DLGAP2: variants seen among roughly 807,000 people sequenced by gnomAD.
The protein encoded by DLGAP2 is DLG associated protein 2.
A neutral mutation model predicts 100.3 loss-of-function variants in DLGAP2; 26 were observed. The ratio of observed to expected loss-of-function variants is 0.26; its 90% CI spans 0.19 to 0.36. The LOEUF is 0.36. Ranked by LOEUF, DLGAP2 falls within the 10% of genes least tolerant of loss-of-function variation. DLGAP2 has a pLI of 1.00. For synonymous variants in DLGAP2, 886 were observed against 630.1 expected (o/e 1.41, Z -6.08); for missense variants, 1,858 against 1,453.2 (o/e 1.28, Z -4.53).
chr8:1,422,858 C>T (rs1029701543), intron 3 of DLGAP2, among the ~76,000 whole-genome samples: 8 of 152,282 alleles, frequency 5.3e-5, no homozygotes, highest in Middle Eastern at 3.4e-3. Context: ...GAGTTGGATG[C>T]TGTGCTGTTC....
chr8:867,343 C>T (rs1034136724), intron 1 of DLGAP2, among the ~76,000 whole-genome samples: 5 of 152,172 alleles, frequency 3.3e-5, no homozygotes, highest in Admixed American at 3.3e-4. Context: ...TTTTAATTAG[C>T]AAAAATAAAC....
intron 6 of DLGAP2, among the ~76,000 whole-genome samples, chr8:1,590,755 C>G (rs1796265854): frequency 6.6e-6 from 1 of 152,186 alleles, no homozygotes; most frequent in South Asian, 2.1e-4. Context: ...CCTCTGTGCT[C>G]CTGGGTCCTG....
intron 4 of DLGAP2, among the ~76,000 whole-genome samples, chr8:1,514,629 A>G (rs1218345817): frequency 2.0e-5 from 3 of 152,178 alleles, no homozygotes; most frequent in Admixed American, 6.5e-5. Flanking sequence ...ATACTCACCT[A>G]TGTCACTCAT....
At chr8:1,242,979 A>G (rs1798831396) in intron 2 of DLGAP2, among the ~76,000 whole-genome samples, 1 of 152,130 alleles carries the variant, frequency 6.6e-6, no homozygotes, top group African/African-American at 2.4e-5. Flanking sequence ...GATGACTCAA[A>G]TATCACCCCA....
Position 1,196,350 on chromosome 8 carries a change from C to G in DLGAP2, c.74-62501C>G, listed in dbSNP as rs147278556. On this transcript the variant is annotated intron_variant, in intron 2 of 14. Transcript: ENST00000637795. ...TGAAATTCTCCTGTTTGGAGTGTACCTGTCTTTCCCCCATCCCCAGGTGTC... is the reference window on the plus strand; with the variant it reads ...TGAAATTCTCCTGTTTGGAGTGTACGTGTCTTTCCCCCATCCCCAGGTGTC... Among the ~76,000 whole-genome samples, 1,488 of 152,314 alleles carry G rather than the reference C, an allele frequency of 9.8e-3. 18 individuals are homozygous for G. The highest frequency in any genetic ancestry group is 0.034 in the African/African-American group (1,430 of 41,558).
intron 2 of DLGAP2, among the ~76,000 whole-genome samples, chr8:1,204,416 G>C (rs554482370): frequency 6.6e-6 from 1 of 152,352 alleles, no homozygotes; most frequent in African/African-American, 2.4e-5. Context: ...TGTGAGTGAC[G>C]GTGGACCCCG....
chr8:1,275,611 T>C (rs1283040377), intron 3 of DLGAP2, among the ~76,000 whole-genome samples: 3 of 149,898 alleles, frequency 2.0e-5, no homozygotes, highest in Non-Finnish European at 4.4e-5. Flanking sequence ...CCTCTATTTG[T>C]AAGAAGTTTA....
chr8:1,698,590 A>AGT (rs1799472582), intron 14 of DLGAP2, among the ~76,000 whole-genome samples: 2 of 135,638 alleles, frequency 1.5e-5, no homozygotes, highest in African/African-American at 5.7e-5. Context: ...GACAGGTCCA[A>AGT]GTAAGCCATG....
chr8:1,028,665 T>C (rs148040306), intron 2 of DLGAP2, among the ~76,000 whole-genome samples: 3,465 of 152,314 alleles, frequency 0.023, 62 homozygotes, highest in South Asian at 0.04. Context: ...TGGAGAGCCA[T>C]CCAGGAGCTA....
intron 3 of DLGAP2, among the ~76,000 whole-genome samples, chr8:1,498,459 G>T (rs1375766151): frequency 3.3e-5 from 5 of 152,142 alleles, no homozygotes; most frequent in Admixed American, 2.0e-4. Context: ...CCCGAGTCAG[G>T]TTGGAAAGTG....
chr8:1,567,585 C>T (rs962515813), intron 6 of DLGAP2, among the ~76,000 whole-genome samples: 8 of 152,210 alleles, frequency 5.3e-5, no homozygotes, highest in East Asian at 1.9e-4. Flanking sequence ...ATCACTGCCA[C>T]GGGTCCCCCA....
At chr8:1,681,475 A>G (rs1159144387) in intron 12 of DLGAP2, among the ~76,000 whole-genome samples, 1 of 152,014 alleles carries the variant, frequency 6.6e-6, no homozygotes, top group Non-Finnish European at 1.5e-5. Context: ...TCTACCAAAA[A>G]AAATAATAAT....
At chr8:1,464,263 AGGACG>A (rs1798548852) in intron 3 of DLGAP2, among the ~76,000 whole-genome samples, 2 of 134,508 alleles carry the variant, frequency 1.5e-5, no homozygotes, top group East Asian at 2.1e-4. Context: ...GCTCCCTTCC[AGGACG>A]GCACCCTTCC....
intron 2 of DLGAP2, among the ~76,000 whole-genome samples, chr8:1,065,719 T>C (rs965048425): frequency 4.6e-5 from 7 of 152,246 alleles, no homozygotes; most frequent in Non-Finnish European, 1.0e-4. Context: ...TCGGCACTTC[T>C]GGTTATCCCA....
At chr8:1,085,735 T>C (rs1803953882) in intron 2 of DLGAP2, among the ~76,000 whole-genome samples, 1 of 152,230 alleles carries the variant, frequency 6.6e-6, no homozygotes, top group Non-Finnish European at 1.5e-5. Flanking sequence ...TGCTCATGAT[T>C]TTCTTATATA....
At chr8:1,653,544 A>T (rs1380373047) in intron 8 of DLGAP2, among the ~76,000 whole-genome samples, 1 of 152,238 alleles carries the variant, frequency 6.6e-6, no homozygotes, top group Non-Finnish European at 1.5e-5. Flanking sequence ...CTTCAGTGCA[A>T]GGAGCCCTGA....
At chr8:1,019,404 T>A (rs1344205405) in intron 2 of DLGAP2, 1 of 151,700 alleles carries the variant, frequency 6.6e-6, no homozygotes, top group Non-Finnish European at 1.5e-5. Flanking sequence ...AAAGCAAGAT[T>A]TTCACCGAGA....
chr8:1,502,888 C>T (rs188851545), intron 4 of DLGAP2, among the ~76,000 whole-genome samples: 1 of 152,130 alleles, frequency 6.6e-6, no homozygotes, highest in African/African-American at 2.4e-5. Flanking sequence ...GCAGGAGGTA[C>T]CTGGGGTGGT....
chr8:905,253 G>T (rs1798354269), intron 1 of DLGAP2, among the ~76,000 whole-genome samples: 1 of 152,112 alleles, frequency 6.6e-6, no homozygotes, highest in Non-Finnish European at 1.5e-5. Context: ...GAGATCCCAG[G>T]GTGCAGTGAG....
Sources: allele counts gnomAD v4.1 joint callset (sites outside exome capture counted in the v4.1 genomes callset), GRCh38; gene constraint gnomAD v4.1.1; transcripts MANE v1.5; gene names NCBI Gene and HGNC (gene_info 2026-07-23, HGNC 2026-07-21).